The following CFAP77 variants were observed in gnomAD, a reference collection of about 807,000 sequenced individuals.
The protein encoded by CFAP77 is cilia- and flagella-associated protein 77.
Under a neutral mutation model 31.1 loss-of-function variants are expected in CFAP77, and 25 were observed. That is an observed-to-expected ratio of 0.80 (90% confidence interval 0.59 to 1.12). The LOEUF is 1.12. Ranked by LOEUF, CFAP77 falls within the 50% of genes most tolerant of loss-of-function variation. The probability of loss-of-function intolerance (pLI) is 0.00; values close to 1 mark genes in which losing one functional copy is unlikely to be tolerated. For missense variants in CFAP77, 377 were observed against 397.3 expected (o/e 0.95, Z 0.44); for synonymous variants, 151 against 159.9 (o/e 0.94, Z 0.42).
chr9:132,474,370 G>T (rs529799132), intron 1 of CFAP77, among the ~76,000 whole-genome samples: 1 of 152,104 alleles, frequency 6.6e-6, no homozygotes, highest in African/African-American at 2.4e-5. Context: ...ACCCAAACAC[G>T]TAATTATAAA....
chr9:132,482,372 A>G (rs368921349), intron 1 of CFAP77: 65 of 1,613,946 alleles, frequency 4.0e-5, no homozygotes, highest in Non-Finnish European at 5.3e-5. Flanking sequence ...CGGTGCAGAA[A>G]GTTATTCCTT....
At chr9:132,537,835 C>A in intron 4 of CFAP77, 129 bp downstream of exon 4, 1 of 675,712 alleles carries the variant, frequency 1.5e-6, no homozygotes, top group Non-Finnish European at 2.6e-6. Flanking sequence ...AATCAGGTTG[C>A]ATCTTCTGCC....
At chr9:132,571,719 A>G (rs951409735) in intron 5 of CFAP77, among the ~76,000 whole-genome samples, 1 of 152,142 alleles carries the variant, frequency 6.6e-6, no homozygotes, top group Admixed American at 6.5e-5. Context: ...AATGGGATGG[A>G]TTTTGTAGCA....
intron 1 of CFAP77, among the ~76,000 whole-genome samples, chr9:132,464,413 G>T (rs1851116261): frequency 6.6e-6 from 1 of 151,984 alleles, no homozygotes; most frequent in African/African-American, 2.4e-5. Context: ...GCCTGTTCCT[G>T]CAGGCCACAC....
At chr9:132,435,166 G>T (rs2131695837) in intron 1 of CFAP77, among the ~76,000 whole-genome samples, 1 of 152,284 alleles carries the variant, frequency 6.6e-6, no homozygotes, top group Admixed American at 6.5e-5. Context: ...GGGAGGGAAT[G>T]CAACCCAGGC....
chr9:132,416,650 T>G (rs1345530854), intron 1 of CFAP77, among the ~76,000 whole-genome samples: 2 of 150,410 alleles, frequency 1.3e-5, no homozygotes, highest in Non-Finnish European at 3.0e-5. Flanking sequence ...GCTTTTTTTT[T>G]TTTTTTGAGA....
chr9:132,506,063 C>A (rs1212160138), intron 3 of CFAP77, among the ~76,000 whole-genome samples: 2 of 152,234 alleles, frequency 1.3e-5, no homozygotes, highest in Non-Finnish European at 2.9e-5. Flanking sequence ...AAGGGCCCTC[C>A]CCGAGGCGTT....
At chr9:132,500,557 C>T (rs770887802) in intron 3 of CFAP77, among the ~76,000 whole-genome samples, 8 of 152,144 alleles carry the variant, frequency 5.3e-5, no homozygotes, top group Non-Finnish European at 1.0e-4. Context: ...ATGCACAAAT[C>T]GTGAAGGGTT....
At chr9:132,462,808 C>T (rs1323756658) in intron 1 of CFAP77, among the ~76,000 whole-genome samples, 1 of 150,676 alleles carries the variant, frequency 6.6e-6, no homozygotes, top group Non-Finnish European at 1.5e-5. Context: ...AAGAGCGAAA[C>T]TCCGTCTCAA....
intron 1 of CFAP77, chr9:132,482,523 T>C (rs1589877323): frequency 1.3e-6 from 1 of 780,040 alleles, no homozygotes; most frequent in Non-Finnish European, 2.2e-6. Flanking sequence ...CCCGTGGCGC[T>C]TCACCTCCAT....
chr9:132,467,014 T>TTAAAAATA (rs1358851594), intron 1 of CFAP77, among the ~76,000 whole-genome samples: 4 of 152,022 alleles, frequency 2.6e-5, no homozygotes, highest in African/African-American at 9.7e-5. Context: ...CCTGTCTCTA[T>TTAAAAATA]TAAAAATACA....
rs1851444138 is a variant in CFAP77, at chr9:132,481,357, C to A, written c.196-17338C>A. Reference sequence around the variant, plus strand: ...TTGGGGACTTCCCCTCTCCTGAAACCCCATCCAAGTCCTGCCCACTAAAGC... The same window carrying A: ...TTGGGGACTTCCCCTCTCCTGAAACACCATCCAAGTCCTGCCCACTAAAGC... On this transcript the variant is annotated intron_variant, in intron 1 of 5. Coordinates refer to ENST00000393216, the MANE Select transcript of CFAP77 (RefSeq NM_001282957.2). The surrounding 1 kb of genome is among the most constrained non-coding windows in gnomAD (Gnocchi z 5.0). Among the ~76,000 whole-genome samples the A allele has an allele frequency of 6.6e-6, 1 of 152,172 alleles. No individual in the cohort carries two copies. The highest frequency in any genetic ancestry group is 2.4e-5 in the African/African-American group (1 of 41,438).
Position 132,480,456 on chromosome 9 carries a change from A to G in CFAP77, c.196-18239A>G, listed in dbSNP as rs1334232835. 2.6e-5 allele frequency among the ~76,000 whole-genome samples: 4 copies of G among 151,992 alleles called. No homozygotes were observed. The highest frequency in any genetic ancestry group is 9.7e-5 in the African/African-American group (4 of 41,362). ...TTCCATAGTAGTGCCTGTGTGCCCC[A>G]CCCCTTGGTGCTCAGTCACGTGAGC... On this transcript the variant is annotated intron_variant, in intron 1 of 5. Coordinates refer to ENST00000393216, the MANE Select transcript of CFAP77 (RefSeq NM_001282957.2). The surrounding 1 kb of genome is among the most constrained non-coding windows in gnomAD (Gnocchi z 5.8).
intron 1 of CFAP77, among the ~76,000 whole-genome samples, chr9:132,486,464 T>C (rs1851560714): frequency 6.6e-6 from 1 of 152,158 alleles, no homozygotes; most frequent in African/African-American, 2.4e-5. Context: ...GAAAAGTTTC[T>C]GGGAGTTCCT....
chr9:132,546,776 G>A (rs947676892), intron 5 of CFAP77, among the ~76,000 whole-genome samples: 3 of 152,210 alleles, frequency 2.0e-5, no homozygotes, highest in Admixed American at 1.3e-4. Context: ...GCCCAGAAGG[G>A]GGTTCTGCCA....
At position 132,506,087 on chromosome 9, in the gene CFAP77, C is replaced by G. The variant is rs192574447; in HGVS notation, c.524+6487C>G. Among the ~76,000 whole-genome samples the G allele has an allele frequency of 8.2e-4, 125 of 152,348 alleles. 2 individuals carry two copies. In the South Asian group the frequency reaches 0.011, roughly 13 times the overall value. On this transcript the variant is annotated intron_variant, in intron 3 of 5. Coordinates refer to ENST00000393216, the MANE Select transcript of CFAP77 (RefSeq NM_001282957.2). ...CCCCGAGGCGTTACGGTGCAGAGCC[C>G]GGATTTCTATCCAGTCTGGCAGCTG...
At chr9:132,553,979 CCA>C (rs1852858716) in intron 5 of CFAP77, among the ~76,000 whole-genome samples, 1 of 152,216 alleles carries the variant, frequency 6.6e-6, no homozygotes, top group Non-Finnish European at 1.5e-5. Context: ...ACAGTACAAG[CCA>C]CCATGTCTTC....
chr9:132,420,941 ATCT>A (rs1375857993), intron 1 of CFAP77, among the ~76,000 whole-genome samples: 1 of 150,164 alleles, frequency 6.7e-6, no homozygotes, highest in African/African-American at 2.4e-5. Context: ...GGGCAGCTCC[ATCT>A]TCACCTGGAC....
Position 132,480,334 on chromosome 9 carries a change from G to C in CFAP77, c.196-18361G>C, listed in dbSNP as rs1851423979. Among the ~76,000 whole-genome samples the C allele has an allele frequency of 6.9e-6, 1 of 144,340 alleles. No individual in the cohort carries two copies. The highest frequency in any genetic ancestry group is 6.8e-5 in the Admixed American group (1 of 14,612). 94.7% of individuals were successfully genotyped at this position (144,340 alleles called of 152,430 possible). On this transcript the variant is annotated intron_variant, in intron 1 of 5. Transcript: ENST00000393216. This position sits in a 1 kb window ranked among gnomAD's most constrained non-coding sequence, Gnocchi z 5.8. ...GCAGGAAAGGGCTTTCCCACTTTTT[G>C]CCCTCATAGCTCAACTCCCTAGGGA...
Sources: allele counts gnomAD v4.1 joint callset (sites outside exome capture counted in the v4.1 genomes callset), GRCh38; gene constraint gnomAD v4.1.1; non-coding constraint Gnocchi (gnomAD v3.1); transcripts MANE v1.5; gene names NCBI Gene and HGNC (gene_info 2026-07-23, HGNC 2026-07-21).